Variants in NAV3 observed in about 807,000 individuals in gnomAD.
NAV3 encodes the protein pore membrane and/or filament interacting like protein 1.
In NAV3, 87 loss-of-function variants were observed where a neutral mutation model predicts 244.7. The observed-to-expected ratio is 0.36, with a 90% CI of 0.30 to 0.42. NAV3 has a LOEUF of 0.42. NAV3 is among the 20% of genes least tolerant of loss of function. The pLI is 1.00. For missense variants in NAV3, 2,663 were observed against 2,893.3 expected, an observed-to-expected ratio of 0.92 and a Z score of 1.83; for synonymous variants, 1,126 against 1,042.2, an observed-to-expected ratio of 1.08 and a Z score of -1.55.
chr12:77,711,267 T>C (rs711143), intron 2 of NAV3, among the ~76,000 whole-genome samples: 124,568 of 152,196 alleles, frequency 0.82, 53,352 homozygotes, highest in East Asian at 1. Context: ...GTCTTGTTAA[T>C]GTGGCCTAAC....
chr12:77,845,555 A>G (rs1391502661), intron 1 of NAV3, among the ~76,000 whole-genome samples: 1 of 152,126 alleles, frequency 6.6e-6, no homozygotes, highest in African/African-American at 2.4e-5. Context: ...TGGAATAGAC[A>G]GAAATTTTCT....
chr12:77,778,500 T>C lies in NAV3; in HGVS notation c.73-161819T>C, dbSNP rs190882361. Among the ~76,000 whole-genome samples, 13 of 150,370 alleles carry C rather than the reference T, an allele frequency of 8.6e-5. No individual in the cohort carries two copies. The Admixed American group carries it at 8.7e-4, about 10-fold the overall frequency. ...GGTGGCGGGTGCCTGTATTCCCAGC[T>C]ACTCGGGAGGCTGAGGCAGGAGAAT... On this transcript the variant is annotated intron_variant, in intron 2 of 8. Coordinates refer to the NAV3 transcript ENST00000550042.
At chr12:77,914,659 C>A (rs570603763) in intron 1 of NAV3, among the ~76,000 whole-genome samples, 1 of 152,012 alleles carries the variant, frequency 6.6e-6, no homozygotes, top group South Asian at 2.1e-4. Flanking sequence ...AGTGACAATA[C>A]ATGTAGTTTT....
At chr12:77,607,563 C>T (rs370806632) in intron 2 of NAV3, among the ~76,000 whole-genome samples, 1 of 152,114 alleles carries the variant, frequency 6.6e-6, no homozygotes, top group African/African-American at 2.4e-5. Context: ...CTTAAATTGC[C>T]TAAGAGAGGG....
At chr12:77,621,739 A>G (rs995222608) in intron 2 of NAV3, among the ~76,000 whole-genome samples, 2 of 152,000 alleles carry the variant, frequency 1.3e-5, no homozygotes, top group African/African-American at 4.8e-5. Context: ...CGGCCTCCCA[A>G]AGTGCTGGGA....
At chr12:77,926,396 A>G (rs183802562) in intron 1 of NAV3, among the ~76,000 whole-genome samples, 45 of 152,206 alleles carry the variant, frequency 3.0e-4, no homozygotes, top group Middle Eastern at 3.4e-3. Flanking sequence ...CTTACCTCCC[A>G]AGCTTCTTTT....
intron 26 of NAV3, 29 bp downstream of exon 26, chr12:78,176,488 T>C (rs747747457): frequency 6.2e-7 from 1 of 1,611,696 alleles, no homozygotes; most frequent in Admixed American, 1.7e-5. Context: ...CAATTTGGCA[T>C]GCATCTATAA....
At chr12:77,718,440 G>A (rs1401264853) in intron 2 of NAV3, among the ~76,000 whole-genome samples, 1 of 152,010 alleles carries the variant, frequency 6.6e-6, no homozygotes, top group East Asian at 1.9e-4. Context: ...TTATATACTG[G>A]TCCTTATGTC....
chr12:78,162,702 A>G (rs1341380998), intron 23 of NAV3, among the ~76,000 whole-genome samples: 1 of 150,704 alleles, frequency 6.6e-6, no homozygotes, highest in Admixed American at 6.6e-5. Flanking sequence ...CATCTCTACT[A>G]GAAACAAAAA....
At chr12:77,598,508 C>T (rs1213675938) in intron 2 of NAV3, among the ~76,000 whole-genome samples, 1 of 151,930 alleles carries the variant, frequency 6.6e-6, no homozygotes, top group Non-Finnish European at 1.5e-5. Flanking sequence ...GTAGTAGGGT[C>T]TGATTGTCCT....
rs1409078121 is a variant in NAV3, at chr12:78,122,076, G to A, written c.3886G>A (p.Gly1296Ser). ...TCTGGAGTCACCGTCGTCCGGTACGGGCAGCATGGGCAGTGCTGGTGGGCT... is the reference window on the plus strand; with the variant it reads ...TCTGGAGTCACCGTCGTCCGGTACGAGCAGCATGGGCAGTGCTGGTGGGCT... ...GSLESPSSGT[G>S]SMGSAGGLSG... Residue 1296 changes from glycine (G) to serine (S), a missense_variant, in exon 16 of 40, where the codon GGC (glycine) becomes AGC (serine). This residue lies in a region of NAV3 where 354 missense variants were observed against 413.0 expected (regional missense o/e 0.86). Transcript: ENST00000397909. 5.0e-6 allele frequency: 8 copies of A among 1,614,042 alleles called. No individual in the cohort carries two copies. The highest frequency in any genetic ancestry group is 6.8e-6 in the Non-Finnish European group (8 of 1,180,032).
rs529368891 is a variant in NAV3, at chr12:77,815,263, T to C, written c.73-125056T>C. 7.2e-5 allele frequency among the ~76,000 whole-genome samples: 11 copies of C among 152,334 alleles called. No homozygotes were observed. The East Asian group carries it at 2.1e-3, about 29-fold the overall frequency. On this transcript the variant is annotated intron_variant, in intron 2 of 8. Coordinates refer to the NAV3 transcript ENST00000550042. The stretch of plus-strand genomic sequence containing the variant: ...TTAATGATGGGATTACAGTCACTTA[T>C]ACTGTTTATATTGAAGCACATGAGG...
chr12:77,648,161 C>T (rs1872680508), intron 2 of NAV3, among the ~76,000 whole-genome samples: 1 of 152,002 alleles, frequency 6.6e-6, no homozygotes, highest in Non-Finnish European at 1.5e-5. Context: ...AAAGTAAAGG[C>T]CTCGTTTCAA....
chr12:77,766,920 A>G (rs981916664), intron 2 of NAV3, among the ~76,000 whole-genome samples: 1 of 151,634 alleles, frequency 6.6e-6, no homozygotes, highest in African/African-American at 2.4e-5. Flanking sequence ...ACACCCAGCT[A>G]ATTTTTATAT....
At chr12:77,918,894 T>C (rs565122560) in intron 1 of NAV3, among the ~76,000 whole-genome samples, 37 of 152,070 alleles carry the variant, frequency 2.4e-4, no homozygotes, top group Admixed American at 6.6e-4. Flanking sequence ...AAATTCAAGA[T>C]TGGAGAAATA....
intron 1 of NAV3, among the ~76,000 whole-genome samples, chr12:77,911,405 G>A (rs1419995625): frequency 2.6e-5 from 4 of 152,088 alleles, no homozygotes; most frequent in African/African-American, 7.2e-5. Flanking sequence ...TGCCAGAAAT[G>A]TTCAAGGTTT....
intron 5 of NAV3, among the ~76,000 whole-genome samples, chr12:77,989,769 A>C (rs1871146199): frequency 1.3e-5 from 2 of 152,200 alleles, no homozygotes; most frequent in African/African-American, 2.4e-5. Flanking sequence ...AACATAAAGA[A>C]TATTCTTTTT....
At chr12:78,076,376 TTG>T (rs1452558447) in intron 12 of NAV3, among the ~76,000 whole-genome samples, 1 of 152,148 alleles carries the variant, frequency 6.6e-6, no homozygotes, top group Non-Finnish European at 1.5e-5. Context: ...TGTGCGCTAG[TTG>T]TGTGTCAATC....
chr12:77,755,584 TCCC>T (rs1190330778), intron 2 of NAV3, among the ~76,000 whole-genome samples: 14 of 28,176 alleles, frequency 5.0e-4, no homozygotes, highest in Admixed American at 5.8e-4. Flanking sequence ...TTTCCTTTCC[TCCC>T]TCCCTCCCTC....
Sources: allele counts gnomAD v4.1 joint callset (sites outside exome capture counted in the v4.1 genomes callset), GRCh38; gene constraint gnomAD v4.1.1; regional missense constraint gnomAD v4.1.1; transcripts MANE v1.5; gene names NCBI Gene and HGNC (gene_info 2026-07-23, HGNC 2026-07-21).